NALCN: variants seen among roughly 807,000 people sequenced by gnomAD.
The protein encoded by NALCN is sodium leak channel NALCN.
In NALCN, 111 loss-of-function variants were observed where a neutral mutation model predicts 225.3. The observed-to-expected ratio is 0.49, with a 90% confidence interval of 0.42 to 0.58. The LOEUF (loss-of-function observed/expected upper bound fraction) is 0.58. Among genes scored for constraint, NALCN ranks in the 20% least tolerant of loss-of-function variants. NALCN has a pLI of 0.00. For missense variants in NALCN, 1,378 were observed against 2,202.4 expected, an observed-to-expected ratio of 0.63 and a Z score of 7.49; for synonymous variants, 764 against 769.0, an observed-to-expected ratio of 0.99 and a Z score of 0.11.
intron 18 of NALCN, among the ~76,000 whole-genome samples, chr13:101,113,862 T>G (rs1281621692): frequency 6.6e-6 from 1 of 152,238 alleles, no homozygotes; most frequent in Non-Finnish European, 1.5e-5. Flanking sequence ...TTCCCCTTAC[T>G]AGGCTGTGAG....
At chr13:101,133,462 T>A (rs1436750709) in intron 17 of NALCN, among the ~76,000 whole-genome samples, 2 of 152,230 alleles carry the variant, frequency 1.3e-5, no homozygotes, top group African/African-American at 4.8e-5. Context: ...ATGTCATTTC[T>A]GCTAGAAAGT....
At chr13:101,094,157 C>T (rs1394405733) in intron 28 of NALCN, among the ~76,000 whole-genome samples, 1 of 152,174 alleles carries the variant, frequency 6.6e-6, no homozygotes, top group Non-Finnish European at 1.5e-5. Context: ...TACCCTTTCC[C>T]AGCACAAAGC....
intron 9 of NALCN, among the ~76,000 whole-genome samples, chr13:101,288,318 G>C (rs1241028988): frequency 6.6e-6 from 1 of 152,090 alleles, no homozygotes; most frequent in Non-Finnish European, 1.5e-5. Context: ...GGAAATAAAT[G>C]GTCTTGGAAC....
intron 18 of NALCN, among the ~76,000 whole-genome samples, chr13:101,114,893 AC>A (rs1182363542): frequency 6.6e-6 from 1 of 152,084 alleles, no homozygotes; most frequent in African/African-American, 2.4e-5. Context: ...ACCAGGAGGA[AC>A]CTCGTTCTCT....
intron 10 of NALCN, among the ~76,000 whole-genome samples, chr13:101,281,909 C>A (rs2043180745): frequency 6.6e-6 from 1 of 152,060 alleles, no homozygotes; most frequent in South Asian, 2.1e-4. Context: ...TGAAAAAGTG[C>A]ATACGATCCC....
intron 40 of NALCN, among the ~76,000 whole-genome samples, chr13:101,063,910 T>C (rs751698673): frequency 6.6e-6 from 1 of 152,244 alleles, no homozygotes; most frequent in Non-Finnish European, 1.5e-5. Context: ...GTGGAGCTTA[T>C]GGGACATTTC....
At position 101,074,998 on chromosome 13, in the gene NALCN, T is replaced by A. The variant is rs1247559810; in HGVS notation, c.3955-336A>T. On this transcript the variant is annotated intron_variant, in intron 35 of 43. Coordinates refer to ENST00000251127, the MANE Select transcript of NALCN (RefSeq NM_052867.4). ...TTCTCTTCTGCTCCTCAATTCTCTA[T>A]GATAAGGGCTACACATTTTTGACTG... Among the ~76,000 whole-genome samples the A allele has an allele frequency of 2.0e-5, 3 of 152,166 alleles. No homozygotes were observed. The East Asian group carries it at 5.8e-4, about 29-fold the overall frequency.
chr13:101,130,907 G>T (rs908203630), intron 17 of NALCN, among the ~76,000 whole-genome samples: 1 of 152,024 alleles, frequency 6.6e-6, no homozygotes, highest in Non-Finnish European at 1.5e-5. Flanking sequence ...TTTAGTATAC[G>T]TTTTATTCTC....
chr13:101,059,306 A>G (rs1014492534), intron 42 of NALCN: 1 of 152,590 alleles, frequency 6.6e-6, no homozygotes, highest in East Asian at 1.9e-4. Context: ...CCTGAATTCC[A>G]TATGTTCTTC....
chr13:101,312,676 T>G (rs1394981784), intron 7 of NALCN, among the ~76,000 whole-genome samples: 1 of 152,176 alleles, frequency 6.6e-6, no homozygotes, highest in African/African-American at 2.4e-5. Flanking sequence ...CGGTTTTGAG[T>G]GAGTTTCTTA....
chr13:101,067,309 AAGAGGAGGGGG>A (rs2032493829), intron 39 of NALCN, among the ~76,000 whole-genome samples: 52 of 43,588 alleles, frequency 1.2e-3, no homozygotes, highest in Middle Eastern at 0.038. Flanking sequence ...GAGGAGGGGG[AAGAGGAGGGGG>A]AAGAGGAGGG....
chr13:101,156,908 T>C (rs1359914975), intron 15 of NALCN, among the ~76,000 whole-genome samples: 1 of 152,196 alleles, frequency 6.6e-6, no homozygotes, highest in East Asian at 1.9e-4. Context: ...TTTCCAATTA[T>C]CATTTTTGTG....
At chr13:101,412,789 G>T (rs1176879238) in intron 1 of NALCN, among the ~76,000 whole-genome samples, 4 of 152,186 alleles carry the variant, frequency 2.6e-5, no homozygotes, top group African/African-American at 9.7e-5. Context: ...TGGGGGTACA[G>T]ATTTCTCACT....
intron 38 of NALCN, 33 bp downstream of exon 38, chr13:101,068,662 A>G (rs1443301313): frequency 6.5e-7 from 1 of 1,531,952 alleles, no homozygotes; most frequent in Non-Finnish European, 8.8e-7. Context: ...CCTGAGTTTA[A>G]AGAGTAAAAA....
intron 7 of NALCN, among the ~76,000 whole-genome samples, chr13:101,296,997 T>A (rs2043780628): frequency 6.6e-6 from 1 of 152,196 alleles, no homozygotes; most frequent in Admixed American, 6.5e-5. Context: ...TGAACAAAAT[T>A]ATATTCCCAT....
At chr13:101,359,309 G>C (rs1336755153) in intron 6 of NALCN, among the ~76,000 whole-genome samples, 1 of 152,200 alleles carries the variant, frequency 6.6e-6, no homozygotes, top group Non-Finnish European at 1.5e-5. Context: ...AAATTATTAG[G>C]AGATGCTTGC....
chr13:101,176,589 C>T (rs1566386051), intron 14 of NALCN, among the ~76,000 whole-genome samples: 1 of 152,018 alleles, frequency 6.6e-6, no homozygotes, highest in Non-Finnish European at 1.5e-5. Context: ...TGTTAACTTG[C>T]TTTATGAAAC....
chr13:101,198,215 C>T (rs2039969179), intron 13 of NALCN, among the ~76,000 whole-genome samples: 1 of 152,144 alleles, frequency 6.6e-6, no homozygotes, highest in South Asian at 2.1e-4. Context: ...CAATACCATT[C>T]AGGACATAGG....
chr13:101,117,190 T>A (rs1229777353), intron 18 of NALCN, among the ~76,000 whole-genome samples: 1 of 152,230 alleles, frequency 6.6e-6, no homozygotes, highest in East Asian at 1.9e-4. Context: ...CGACCAGAAC[T>A]TCATTGTAGG....
Sources: gnomAD v4.1 joint callset for allele counts (sites outside exome capture counted in the v4.1 genomes callset) on GRCh38, gnomAD v4.1.1 for gene constraint, MANE v1.5 for transcripts, NCBI Gene and HGNC (gene_info 2026-07-23, HGNC 2026-07-21) for gene names.